The following SCML2 variants were observed in gnomAD, a reference collection of about 807,000 sequenced individuals.
SCML2 encodes sex comb on midleg-like protein 2.
In SCML2, 6 loss-of-function variants were observed where a neutral mutation model predicts 48.4. That is an observed-to-expected ratio of 0.12 (90% CI 0.07 to 0.24). SCML2 has a LOEUF of 0.24. Among genes scored for constraint, SCML2 ranks in the 10% least tolerant of loss-of-function variants. The probability of loss-of-function intolerance (pLI) is 1.00; values close to 1 mark genes in which losing one functional copy is unlikely to be tolerated. For missense variants in SCML2, 377 were observed against 528.2 expected (o/e 0.71, Z 2.81); for synonymous variants, 181 against 189.5 (o/e 0.95, Z 0.37).
At chrX:18,256,371 G>A (rs1477731547) in intron 11 of SCML2, among the ~76,000 whole-genome samples, 6 of 111,453 alleles carry the variant, frequency 5.4e-5, no homozygotes, top group Non-Finnish European at 1.1e-4. Context: ...AAGATCGATT[G>A]AATCTGGGAG....
At chrX:18,308,892 C>T (rs1241253839) in intron 6 of SCML2, among the ~76,000 whole-genome samples, 1 of 111,356 alleles carries the variant, frequency 9.0e-6, no homozygotes, top group Non-Finnish European at 1.9e-5. Flanking sequence ...TATCACTAAT[C>T]ATTAGAGAAA....
chrX:18,277,011 A>C (rs1291047128), intron 7 of SCML2, among the ~76,000 whole-genome samples: 1 of 111,407 alleles, frequency 9.0e-6, no homozygotes, highest in African/African-American at 3.3e-5. Flanking sequence ...TCTAAAAAAA[A>C]AAAACCAAAA....
At chrX:18,351,086 T>C (rs897884839) in intron 1 of SCML2, among the ~76,000 whole-genome samples, 1 of 110,426 alleles carries the variant, frequency 9.1e-6, no homozygotes, top group Non-Finnish European at 1.9e-5. Flanking sequence ...CCTGGCCAAC[T>C]AGGTGAAACC....
At chrX:18,338,269 C>A (rs1460504362) in intron 1 of SCML2, among the ~76,000 whole-genome samples, 1 of 109,856 alleles carries the variant, frequency 9.1e-6, no homozygotes, top group Non-Finnish European at 1.9e-5. Context: ...CATGGTGAAA[C>A]CCCATCTCTA....
At chrX:18,350,694 G>A (rs1006302854) in intron 1 of SCML2, among the ~76,000 whole-genome samples, 6 of 110,747 alleles carry the variant, frequency 5.4e-5, no homozygotes, top group African/African-American at 2.0e-4. Flanking sequence ...GCAATGAGCC[G>A]AGATTGCACC....
rs1926221448 is a variant in SCML2, at chrX:18,240,428, T to A, written c.*823A>T. On this transcript the variant is annotated 3_prime_UTR_variant, in exon 15 of 15. Transcript: ENST00000251900. Reference sequence around the variant, plus strand: ...TTCATATAGAGATGTAAGAAAAGAATGCCTAGTTAAATGTCCAAGCGTAGT... The same window carrying A: ...TTCATATAGAGATGTAAGAAAAGAAAGCCTAGTTAAATGTCCAAGCGTAGT... 1 of 112,160 alleles carries A rather than the reference T, an allele frequency of 8.9e-6. No homozygotes were observed. The highest frequency in any genetic ancestry group is 1.9e-5 in the Non-Finnish European group (1 of 53,196). The allele number at this position is 112,160 out of a possible 1,213,427, so 9.2% of individuals were successfully genotyped here. A position where few individuals can be genotyped will look rare whatever the true frequency, so the allele number is the denominator to read the frequency against.
chrX:18,273,699 A>G (rs1927534556), intron 7 of SCML2, among the ~76,000 whole-genome samples: 1 of 111,660 alleles, frequency 9.0e-6, no homozygotes, highest in African/African-American at 3.3e-5. Context: ...AAAGCTTGAT[A>G]CCATGGCCCA....
Position 18,324,932 on chromosome X carries a change from C to A in SCML2, c.137G>T (p.Ser46Ile). 8.3e-7 allele frequency: 1 copy of A among 1,204,727 alleles called. No homozygotes were observed. The highest frequency in any genetic ancestry group is 1.1e-6 in the Non-Finnish European group (1 of 889,757). The change falls in exon 4 of 15, where the codon AGT (serine) becomes ATT (isoleucine). Residue 46 changes from serine to isoleucine, a missense_variant. Physicochemically the swap from Ser to Ile is moderately radical, Grantham distance 142. This residue lies in a region of SCML2 where 61 missense variants were observed against 59.9 expected (regional missense o/e 1.02). Transcript: ENST00000251900. The part of the protein sequence containing the change: ...EEYLKETGSI[S>I]APSECFRQSQ... ...CTGACGGAAGCACTCTGAAGGAGCACTTATAGACCCAGTCTCTTTCAAATA... is the reference window on the plus strand; with the variant it reads ...CTGACGGAAGCACTCTGAAGGAGCAATTATAGACCCAGTCTCTTTCAAATA...
chrX:18,282,928 C>T (rs2068847101), intron 7 of SCML2, among the ~76,000 whole-genome samples: 1 of 111,098 alleles, frequency 9.0e-6, no homozygotes, highest in South Asian at 3.8e-4. Flanking sequence ...GGAAGGACTC[C>T]TCCTGAACTC....
Position 18,285,746 on chromosome X carries a change from A to C in SCML2, c.730+19226T>G, listed in dbSNP as rs747737314. Among the ~76,000 whole-genome samples the C allele has an allele frequency of 4.5e-5, 5 of 111,786 alleles. No individual in the cohort carries two copies. In the South Asian group the frequency reaches 1.5e-3, roughly 34 times the overall value. On this transcript the variant is annotated intron_variant, in intron 7 of 14. Transcript: ENST00000251900. ...TTCCTCAAAAAAATTGAGTTTTTTC[A>C]ATTCTCTTGACTAAATATACCTTTA...
chrX:18,241,397 T>C lies in SCML2; in HGVS notation c.1975-18A>G. ...TCAATTTCCTACAGAGAGAAGGAAA[T>C]CATAATCATTAATAATGCTTTCATA... On this transcript the variant is annotated intron_variant, in intron 14 of 14. Coordinates refer to ENST00000251900, the MANE Select transcript of SCML2 (RefSeq NM_006089.3). The C allele has an allele frequency of 9.0e-7, 1 of 1,108,903 alleles. No homozygotes were observed. The highest frequency in any genetic ancestry group is 1.2e-6 in the Non-Finnish European group (1 of 834,685). The allele number at this position is 1,108,903 out of a possible 1,213,427, so 91.4% of individuals were successfully genotyped here.
At chrX:18,285,527 G>C (rs1016801215) in intron 7 of SCML2, among the ~76,000 whole-genome samples, 5 of 110,170 alleles carry the variant, frequency 4.5e-5, no homozygotes, top group African/African-American at 1.7e-4. Context: ...ATAAACATGT[G>C]AACAATAGAT....
At chrX:18,314,007 T>C (rs1233843650) in intron 6 of SCML2, among the ~76,000 whole-genome samples, 1 of 111,658 alleles carries the variant, frequency 9.0e-6, no homozygotes, top group East Asian at 2.8e-4. Context: ...TTTATAGAAA[T>C]AGTAAATTGA....
chrX:18,297,103 T>C (rs1407062343), intron 7 of SCML2, among the ~76,000 whole-genome samples: 1 of 112,049 alleles, frequency 8.9e-6, no homozygotes, highest in Non-Finnish European at 1.9e-5. Flanking sequence ...ATAAATGTGA[T>C]ACATCATATC....
chrX:18,267,458 TATC>T (rs1927291835), intron 7 of SCML2, among the ~76,000 whole-genome samples: 1 of 111,923 alleles, frequency 8.9e-6, no homozygotes, highest in Admixed American at 9.5e-5. Context: ...TGAGTCACAC[TATC>T]ATCTGCTTTC....
chrX:18,328,696 C>G (rs1340133328), intron 3 of SCML2, among the ~76,000 whole-genome samples: 1 of 111,488 alleles, frequency 9.0e-6, no homozygotes, highest in East Asian at 2.8e-4. Flanking sequence ...TAAAAGAGGG[C>G]AGGAATCATG....
chrX:18,272,479 G>A (rs894658367), intron 7 of SCML2, among the ~76,000 whole-genome samples: 1 of 111,868 alleles, frequency 8.9e-6, no homozygotes, highest in African/African-American at 3.3e-5. Flanking sequence ...CAGAAGAGGT[G>A]GGGTAGAGAT....
chrX:18,250,641 C>T (rs926324668), intron 11 of SCML2, among the ~76,000 whole-genome samples: 2 of 110,465 alleles, frequency 1.8e-5, no homozygotes, highest in Non-Finnish European at 3.8e-5. Context: ...CCTCGGCCTC[C>T]CAAAGTGCTG....
At chrX:18,271,271 A>T (rs1177646151) in intron 7 of SCML2, among the ~76,000 whole-genome samples, 1 of 111,298 alleles carries the variant, frequency 9.0e-6, no homozygotes, top group Non-Finnish European at 1.9e-5. Flanking sequence ...ATGAGGAAAC[A>T]TAGGCTCTGT....
Sources: gnomAD v4.1 joint callset for allele counts (sites outside exome capture counted in the v4.1 genomes callset) on GRCh38, gnomAD v4.1.1 for gene constraint, gnomAD v4.1.1 regional missense constraint, MANE v1.5 for transcripts, NCBI Gene and HGNC (gene_info 2026-07-23, HGNC 2026-07-21) for gene names.